PTBP3: variants seen among roughly 807,000 people sequenced by gnomAD.
The protein encoded by PTBP3 is polypyrimidine tract binding protein 3, also known as polypyrimidine tract-binding protein 3.
In PTBP3, 20 loss-of-function variants were observed where a neutral mutation model predicts 58.7. The observed-to-expected ratio is 0.34, with a 90% CI of 0.24 to 0.50. PTBP3 has a LOEUF of 0.50. PTBP3 is among the 20% of genes least tolerant of loss of function. The pLI is 0.98. For synonymous variants in PTBP3, 185 were observed against 219.8 expected (o/e 0.84, Z 1.40); for missense variants, 509 against 637.2 (o/e 0.80, Z 2.17).
intron 10 of PTBP3, among the ~76,000 whole-genome samples, chr9:112,230,331 A>G (rs548618579): frequency 6.6e-5 from 10 of 151,898 alleles, no homozygotes; most frequent in African/African-American, 2.4e-4. Flanking sequence ...CTCTAAAACT[A>G]TCACATTCAA....
At chr9:112,228,311 T>A in intron 11 of PTBP3, 69 bp downstream of exon 11, 1 of 1,137,442 alleles carries the variant, frequency 8.8e-7, no homozygotes, top group East Asian at 2.6e-5. Flanking sequence ...CTAGCTGTAT[T>A]TTGAAGGAAA....
rs1217526471 is a variant in PTBP3 at position 112,277,936 on chromosome 9, C to CATAAT, written c.35-1924_35-1923insATTAT. ...CATAACATAACATAACATAACATAACATAACATAATATAACATAACATAAC... is the reference window on the plus strand; with the variant it reads ...CATAACATAACATAACATAACATAACATAATATAACATAATATAACATAACATAAC... On this transcript the variant is annotated intron_variant, in intron 2 of 13. Coordinates refer to ENST00000374257, the MANE Select transcript of PTBP3 (RefSeq NM_001163788.4). 2.4e-3 allele frequency among the ~76,000 whole-genome samples: 190 copies of CATAAT among 79,028 alleles called. 4 individuals are homozygous for CATAAT. The East Asian group carries it at 0.067, about 28-fold the overall frequency. 51.8% of individuals were successfully genotyped at this position (79,028 alleles called of 152,430 possible). A position where few individuals can be genotyped will look rare whatever the true frequency, so the allele number is the denominator to read the frequency against.
chr9:112,277,930 ACATAACAT>A (rs1827689670), intron 2 of PTBP3, among the ~76,000 whole-genome samples: 1 of 117,982 alleles, frequency 8.5e-6, no homozygotes, highest in Admixed American at 8.5e-5. Context: ...ACATAACATA[ACATAACAT>A]AACATAATAT....
chr9:112,335,505 C>T (rs1428304564), upstream of PTBP3, among the ~76,000 whole-genome samples: 1 of 150,196 alleles, frequency 6.7e-6, no homozygotes, highest in Non-Finnish European at 1.5e-5. Context: ...AGGCTGGTCT[C>T]GAACTCCTGA....
At chr9:112,230,963 T>TGTAGACAATAATA (rs547407546) in intron 10 of PTBP3, among the ~76,000 whole-genome samples, 1 of 151,284 alleles carries the variant, frequency 6.6e-6, no homozygotes, top group African/African-American at 2.5e-5. Flanking sequence ...ATTTTGACCC[T>TGTAGACAATAATA]ACGCAGCTGT....
intron 7 of PTBP3, among the ~76,000 whole-genome samples, chr9:112,235,274 G>A (rs893963073): frequency 6.6e-6 from 1 of 152,144 alleles, no homozygotes; most frequent in African/African-American, 2.4e-5. Context: ...TTGCCTTTGA[G>A]AGGCTTACAA....
At chr9:112,372,704 G>A in the PTBP3 span, among the ~76,000 whole-genome samples, 5 of 152,032 alleles carry the variant, frequency 3.3e-5, no homozygotes, top group African/African-American at 9.7e-5. Context: ...TTAGCACAAC[G>A]TTTTTGAGGT....
At chr9:112,372,603 C>T in the PTBP3 span, among the ~76,000 whole-genome samples, 1 of 152,164 alleles carries the variant, frequency 6.6e-6, no homozygotes, top group African/African-American at 2.4e-5. Flanking sequence ...CACCAATCTG[C>T]TTTCTATCTC....
intron 8 of PTBP3, 82 bp downstream of exon 8, chr9:112,234,738 A>G (rs1835376191): frequency 1.5e-6 from 2 of 1,315,480 alleles, no homozygotes; most frequent in Non-Finnish European, 2.2e-6. Context: ...TTCAAATATG[A>G]TAACATTCTT....
chr9:112,357,010 A>G, the PTBP3 span, among the ~76,000 whole-genome samples: 3 of 150,684 alleles, frequency 2.0e-5, no homozygotes, highest in Admixed American at 6.7e-5. Context: ...CTCCCGAGTA[A>G]CTGGGATTAT....
chr9:112,244,930 A>C (rs1484592013), intron 7 of PTBP3, among the ~76,000 whole-genome samples: 5 of 152,218 alleles, frequency 3.3e-5, no homozygotes, highest in Admixed American at 6.5e-5. Context: ...GATAAAAAAG[A>C]CTTTAGCAGA....
upstream of PTBP3, among the ~76,000 whole-genome samples, chr9:112,336,392 A>T (rs975974930): frequency 2.0e-5 from 3 of 152,148 alleles, no homozygotes; most frequent in African/African-American, 7.2e-5. Context: ...AATCCTTTAT[A>T]TAAAGCCTTT....
chr9:112,251,663 G>A (rs1335856944), intron 6 of PTBP3, among the ~76,000 whole-genome samples: 1 of 152,060 alleles, frequency 6.6e-6, no homozygotes, highest in African/African-American at 2.4e-5. Flanking sequence ...GGAGTCAGTT[G>A]TAACCAAAGA....
chr9:112,379,045 C>T, the PTBP3 span, among the ~76,000 whole-genome samples: 2 of 152,124 alleles, frequency 1.3e-5, no homozygotes, highest in African/African-American at 4.8e-5. Flanking sequence ...AAAAATTAGC[C>T]AGGCGTGGTG....
At chr9:112,242,362 G>A (rs2132032750) in intron 7 of PTBP3, among the ~76,000 whole-genome samples, 1 of 151,984 alleles carries the variant, frequency 6.6e-6, no homozygotes, top group Middle Eastern at 3.4e-3. Flanking sequence ...CTTGGAGTGA[G>A]TAATGTTTGC....
At position 112,220,215 on chromosome 9, in the gene PTBP3, C is replaced by A; in HGVS notation, c.*3636G>T. On this transcript the variant is annotated 3_prime_UTR_variant, in exon 14 of 14. Transcript: ENST00000374257. ...ATATCTCGTGGGAACAGAAGAGAAA[C>A]TGCATGACAATATGCTAAACATGTA... 2 of 1,347,384 alleles carry A rather than the reference C, an allele frequency of 1.5e-6. No individual in the cohort carries two copies. The highest frequency in any genetic ancestry group is 2.0e-6 in the Non-Finnish European group (2 of 1,019,846). The allele number at this position is 1,347,384 out of a possible 1,614,324, so 83.5% of individuals were successfully genotyped here.
intron 12 of PTBP3, 48 bp from the exon 13 acceptor site, chr9:112,224,258 T>A: frequency 8.6e-7 from 1 of 1,159,884 alleles, no homozygotes; most frequent in Non-Finnish European, 1.2e-6. Context: ...CATTCTCAAG[T>A]GAAGCAGATT....
chr9:112,268,075 TAA>T lies in PTBP3; in HGVS notation c.323_324del (p.Leu108GlnfsTer3). 6.2e-7 allele frequency: 1 copy of T among 1,613,298 alleles called. No individual in the cohort carries two copies. The highest frequency in any genetic ancestry group is 8.5e-7 in the Non-Finnish European group (1 of 1,179,656). The stretch of plus-strand genomic sequence containing the variant: ...GCTTGATTAGGTAGATTGTCAGTCT[TAA>T]GTTCTCTGTGATTGGAATACTGAAT... ...VYIQYSNHRE[L>X]KTDNLPNQAR... On this transcript the variant is annotated frameshift_variant, in exon 4 of 14. Transcript: ENST00000374257. LOFTEE classifies it high-confidence loss of function.
At chr9:112,323,463 T>C (rs1264988724) in intron 1 of PTBP3, among the ~76,000 whole-genome samples, 1 of 152,174 alleles carries the variant, frequency 6.6e-6, no homozygotes, top group Non-Finnish European at 1.5e-5. Context: ...TTGGCCTCTA[T>C]GCACATCAGA....
Sources: gnomAD v4.1 joint callset for allele counts (sites outside exome capture counted in the v4.1 genomes callset) on GRCh38, gnomAD v4.1.1 for gene constraint, MANE v1.5 for transcripts, NCBI Gene and HGNC (gene_info 2026-07-23, HGNC 2026-07-21) for gene names.